Variants in SLC20A2 observed in about 807,000 individuals in gnomAD.
The protein encoded by SLC20A2 is sodium-dependent phosphate transporter 2.
SLC20A2 carries 30 observed loss-of-function variants against 61.0 expected under a neutral mutation model. The ratio of observed to expected loss-of-function variants is 0.49; its 90% CI spans 0.37 to 0.67. The LOEUF (loss-of-function observed/expected upper bound fraction) is 0.67, where lower values mean the gene tolerates loss of function less well. Ranked by LOEUF, SLC20A2 falls within the 30% of genes least tolerant of loss-of-function variation. The probability of loss-of-function intolerance (pLI) is 0.00; values close to 1 mark genes in which losing one functional copy is unlikely to be tolerated. For synonymous variants in SLC20A2, 351 were observed against 353.3 expected (o/e 0.99, Z 0.07); for missense variants, 626 against 866.4 (o/e 0.72, Z 3.48).
At chr8:42,537,176 G>A (rs1812760052) in intron 1 of SLC20A2, among the ~76,000 whole-genome samples, 1 of 151,900 alleles carries the variant, frequency 6.6e-6, no homozygotes, top group Non-Finnish European at 1.5e-5. Context: ...TTGAGCCCAG[G>A]AGTTCAAGAC....
intron 10 of SLC20A2, among the ~76,000 whole-genome samples, chr8:42,421,531 G>C (rs1450673702): frequency 6.6e-6 from 1 of 152,158 alleles, no homozygotes; most frequent in Admixed American, 6.5e-5. Context: ...TCGGCCGGGT[G>C]CGGTGGCTCA....
chr8:42,510,789 T>C (rs10092077), intron 1 of SLC20A2, among the ~76,000 whole-genome samples: 9,446 of 152,076 alleles, frequency 0.062, 567 homozygotes, highest in African/African-American at 0.14. Flanking sequence ...TCCATCTACC[T>C]TCTAGGAATG....
intron 5 of SLC20A2, among the ~76,000 whole-genome samples, chr8:42,454,685 T>C (rs967154523): frequency 1.3e-5 from 2 of 151,870 alleles, no homozygotes; most frequent in Admixed American, 1.3e-4. Flanking sequence ...GCCACGATCA[T>C]AGTTCACGAC....
At chr8:42,460,803 C>A (rs530740921) in intron 4 of SLC20A2, among the ~76,000 whole-genome samples, 2 of 152,282 alleles carry the variant, frequency 1.3e-5, no homozygotes, top group South Asian at 4.1e-4. Flanking sequence ...GGGCCAGAAA[C>A]TCCCATCAAT....
At chr8:42,422,419 C>T (rs1327565543) in intron 10 of SLC20A2, among the ~76,000 whole-genome samples, 2 of 152,144 alleles carry the variant, frequency 1.3e-5, no homozygotes, top group Non-Finnish European at 2.9e-5. Flanking sequence ...CATCGGTAAA[C>T]AGATTTCATT....
At chr8:42,486,824 T>C (rs1002271746) in intron 1 of SLC20A2, among the ~76,000 whole-genome samples, 18 of 152,198 alleles carry the variant, frequency 1.2e-4, no homozygotes, top group African/African-American at 3.4e-4. Flanking sequence ...ATTAGTGTTC[T>C]TCATCAAATT....
At chr8:42,513,976 T>C (rs2131380283) in intron 1 of SLC20A2, among the ~76,000 whole-genome samples, 1 of 152,186 alleles carries the variant, frequency 6.6e-6, no homozygotes, top group South Asian at 2.1e-4. Context: ...TGATGGGATA[T>C]GAATGGGAGA....
At chr8:42,461,242 G>C (rs1806673958) in intron 4 of SLC20A2, among the ~76,000 whole-genome samples, 1 of 152,154 alleles carries the variant, frequency 6.6e-6, no homozygotes, top group Non-Finnish European at 1.5e-5. Context: ...GACACAGCCA[G>C]CTATGATCAT....
intron 10 of SLC20A2, among the ~76,000 whole-genome samples, chr8:42,424,771 C>T (rs755567597): frequency 4.6e-5 from 7 of 152,162 alleles, no homozygotes; most frequent in South Asian, 2.1e-4. Context: ...TTAGGCCGGG[C>T]GCACTGGCTC....
Position 42,472,041 on chromosome 8 carries a change from T to A in SLC20A2, c.289+61A>T. 2.0e-6 allele frequency: 3 copies of A among 1,479,300 alleles called. No homozygotes were observed. Among genetic ancestry groups the A allele is most frequent in the Non-Finnish European group, 2.8e-6 (3 of 1,068,274 alleles). The allele number at this position is 1,479,300 out of a possible 1,614,324, so 91.6% of individuals were successfully genotyped here. On this transcript the variant is annotated intron_variant, in intron 2 of 10. Transcript: ENST00000520262. The surrounding 1 kb of genome is among the most constrained non-coding windows in gnomAD (Gnocchi z 4.1). ...ATCACATTTATGGATATGGGCAAAG[T>A]ACTGCAGGGAAGCGGGTCAGTGGGC...
chr8:42,508,184 G>C (rs1810826126), intron 1 of SLC20A2, among the ~76,000 whole-genome samples: 2 of 150,946 alleles, frequency 1.3e-5, no homozygotes, highest in Non-Finnish European at 3.0e-5. Context: ...AGAAAGAAAG[G>C]CATCTTCAGC....
chr8:42,478,685 G>A (rs1329037123), intron 1 of SLC20A2, among the ~76,000 whole-genome samples: 3 of 152,092 alleles, frequency 2.0e-5, no homozygotes, highest in South Asian at 2.1e-4. Context: ...CAAAACTCAC[G>A]AAACTGTTCA....
At chr8:42,501,506 G>C (rs1438321385), upstream of SLC20A2, 1 of 152,228 alleles carries the variant, frequency 6.6e-6, no homozygotes, top group Non-Finnish European at 1.5e-5. Flanking sequence ...AGTGCTGTGT[G>C]CTCTTCACAA....
chr8:42,531,817 T>C (rs1397307038), intron 1 of SLC20A2, among the ~76,000 whole-genome samples: 3 of 115,216 alleles, frequency 2.6e-5, no homozygotes, highest in Admixed American at 1.6e-4. Context: ...AAGTCTCTGC[T>C]TTTTTTTTTT....
chr8:42,512,114 C>T (rs1156913005), intron 1 of SLC20A2, among the ~76,000 whole-genome samples: 1 of 152,118 alleles, frequency 6.6e-6, no homozygotes. Context: ...GACATTAATG[C>T]TTTCATTTTA....
rs774103998 is a variant in SLC20A2 at position 42,444,749 on chromosome 8, A to G, written c.627T>C (p.Val209=). 2 of 1,613,736 alleles carry G rather than the reference A, an allele frequency of 1.2e-6. No individual in the cohort carries two copies. The highest frequency in any genetic ancestry group is 3.3e-5 in the Admixed American group (2 of 59,992). ...MYTGAPVLGL[V]LPMWAIALIS... is the part of the protein sequence containing the mutation. ...TGAGGGCTATGGCCCACATGGGGAG[A>G]ACAAGGCCGAGCACTGGGAAGGAAA... The change falls in exon 6 of 11, where the codon GTT becomes GTC. Residue 209 remains valine, a synonymous_variant. Transcript: ENST00000520262.
At chr8:42,464,919 G>A (rs1011733865) in intron 3 of SLC20A2, among the ~76,000 whole-genome samples, 6 of 152,090 alleles carry the variant, frequency 3.9e-5, no homozygotes, top group Admixed American at 2.6e-4. Context: ...AGGTTGCAGT[G>A]AGCCGAGATT....
intron 5 of SLC20A2, among the ~76,000 whole-genome samples, chr8:42,459,209 C>A (rs1457045540): frequency 7.8e-6 from 1 of 127,446 alleles, no homozygotes; most frequent in Non-Finnish European, 1.5e-5. Flanking sequence ...GCACTCCATC[C>A]TGGGTGAGAG....
intron 2 of SLC20A2, among the ~76,000 whole-genome samples, chr8:42,467,614 T>C (rs959526514): frequency 6.6e-6 from 1 of 152,176 alleles, no homozygotes; most frequent in African/African-American, 2.4e-5. Context: ...CAGGACCCAG[T>C]CCATGAAGCA....
Sources: gnomAD v4.1 joint callset for allele counts (sites outside exome capture counted in the v4.1 genomes callset) on GRCh38, gnomAD v4.1.1 for gene constraint, Gnocchi (gnomAD v3.1) non-coding constraint, MANE v1.5 for transcripts, NCBI Gene and HGNC (gene_info 2026-07-23, HGNC 2026-07-21) for gene names.